Variants in JPH1 observed in about 807,000 individuals in gnomAD.
The protein encoded by JPH1 is junctophilin 1, also known as junctophilin-1.
In JPH1, 12 loss-of-function variants were observed where a neutral mutation model predicts 53.6. The ratio of observed to expected loss-of-function variants is 0.22; its 90% CI spans 0.14 to 0.36. The LOEUF (loss-of-function observed/expected upper bound fraction) is 0.36. JPH1 is among the 10% of genes least tolerant of loss of function. The probability of loss-of-function intolerance (pLI) is 1.00; values close to 1 mark genes in which losing one functional copy is unlikely to be tolerated. For synonymous variants in JPH1, 375 were observed against 363.8 expected, an observed-to-expected ratio of 1.03 and a Z score of -0.35; for missense variants, 808 against 905.5, an observed-to-expected ratio of 0.89 and a Z score of 1.38.
chr8:74,302,757 T>C (rs1807719412), intron 2 of JPH1, among the ~76,000 whole-genome samples: 5 of 152,168 alleles, frequency 3.3e-5, no homozygotes, highest in Admixed American at 2.6e-4. Context: ...TCATAGCACC[T>C]GCCAGTTGCA....
At chr8:74,260,488 T>C (rs144491888) in intron 2 of JPH1, among the ~76,000 whole-genome samples, 1 of 152,374 alleles carries the variant, frequency 6.6e-6, no homozygotes, top group East Asian at 1.9e-4. Flanking sequence ...CTATTTCTTA[T>C]GACTTTGTAA....
chr8:74,235,116 T>C lies in JPH1; in HGVS notation c.*1935A>G, dbSNP rs1182350518. 6.6e-6 allele frequency: 1 copy of C among 152,254 alleles called. No homozygotes were observed. Among genetic ancestry groups the C allele is most frequent in the Non-Finnish European group, 1.5e-5 (1 of 68,024 alleles). 9.4% of individuals were successfully genotyped at this position (152,254 alleles called of 1,614,324 possible). On this transcript the variant is annotated 3_prime_UTR_variant, in exon 6 of 6. Coordinates refer to ENST00000342232, the MANE Select transcript of JPH1 (RefSeq NM_020647.4). ...CATTTTAAATGAACACTTAATAAGA[T>C]TAAATATTTTATTATTATTTTTTTA... is the stretch of plus-strand genomic sequence containing the variant.
At chr8:74,306,626 C>T (rs1267579979) in intron 2 of JPH1, among the ~76,000 whole-genome samples, 1 of 149,318 alleles carries the variant, frequency 6.7e-6, no homozygotes, top group Non-Finnish European at 1.5e-5. Flanking sequence ...TTCTTGGAGA[C>T]CTCGCTCTGT....
chr8:74,244,676 A>G lies in JPH1; in HGVS notation c.1758T>C (p.Ala586=). ...SSSALVHKPS[A]NKWSPSKSVT... Reference sequence around the variant, plus strand: ...CAGATTTGGAGGGACTCCACTTGTTAGCGGATGGCTTGTGCACCAGTGCTG... The same window carrying G: ...CAGATTTGGAGGGACTCCACTTGTTGGCGGATGGCTTGTGCACCAGTGCTG... Residue 586 remains alanine (A), a synonymous_variant, in exon 4 of 6, where the codon GCT becomes GCC. Coordinates refer to ENST00000342232, the MANE Select transcript of JPH1 (RefSeq NM_020647.4). The G allele has an allele frequency of 1.2e-6, 2 of 1,614,160 alleles. No homozygotes were observed. The highest frequency in any genetic ancestry group is 1.1e-5 in the South Asian group (1 of 91,080).
chr8:74,312,233 A>G (rs1808017362), intron 2 of JPH1, among the ~76,000 whole-genome samples: 1 of 151,854 alleles, frequency 6.6e-6, no homozygotes, highest in African/African-American at 2.4e-5. Context: ...TTAACATGAG[A>G]CCTACCTTCT....
intron 2 of JPH1, among the ~76,000 whole-genome samples, chr8:74,284,899 AC>A (rs890442389): frequency 2.6e-4 from 39 of 149,842 alleles, no homozygotes; most frequent in African/African-American, 9.2e-4. Context: ...ATCTCGGCTC[AC>A]TGCAACCTCT....
chr8:74,321,331 G>C lies in JPH1; in HGVS notation c.-44C>G, dbSNP rs555262869. ...GCGCTCCCCGCAGGGGCACGGACGC[G>C]GGCAGTGCTGGGCACGGCAGGGTGT... On this transcript the variant is annotated 5_prime_UTR_variant, in exon 1 of 6. Transcript: ENST00000342232. This position sits in a 1 kb window ranked among gnomAD's most constrained non-coding sequence, Gnocchi z 4.3. 7.2e-5 allele frequency: 106 copies of C among 1,464,514 alleles called. 1 individual carries two copies. The highest frequency in any genetic ancestry group is 6.0e-5 in the Non-Finnish European group (67 of 1,108,812). The allele number at this position is 1,464,514 out of a possible 1,614,324, so 90.7% of individuals were successfully genotyped here.
intron 1 of JPH1, among the ~76,000 whole-genome samples, chr8:74,319,608 A>T (rs1388855382): frequency 6.6e-6 from 1 of 152,214 alleles, no homozygotes; most frequent in Non-Finnish European, 1.5e-5. Context: ...CCATTCTGCC[A>T]TTTTGCATTT....
At position 74,251,855 on chromosome 8, in the gene JPH1, CA is replaced by C. The variant is rs1806072833; in HGVS notation, c.1259-6681del. Among the ~76,000 whole-genome samples the C allele has an allele frequency of 2.6e-5, 4 of 152,130 alleles. No homozygotes were observed. In the South Asian group the frequency reaches 8.3e-4, roughly 32 times the overall value. The stretch of plus-strand genomic sequence containing the variant: ...TCATATGGAACCAAAAAAGAGCCTG[CA>C]TTGCCAAGTCAATCCTAAGCCAAAA... On this transcript the variant is annotated intron_variant, in intron 3 of 5. Coordinates refer to ENST00000342232, the MANE Select transcript of JPH1 (RefSeq NM_020647.4).
At chr8:74,239,177 A>T (rs1433421669) in intron 4 of JPH1, among the ~76,000 whole-genome samples, 1 of 152,116 alleles carries the variant, frequency 6.6e-6, no homozygotes, top group Admixed American at 6.6e-5. Flanking sequence ...TGGGTTAAAC[A>T]TCTCTGAGAT....
At chr8:74,251,729 T>C (rs1281778218) in intron 3 of JPH1, among the ~76,000 whole-genome samples, 3 of 152,170 alleles carry the variant, frequency 2.0e-5, no homozygotes, top group East Asian at 1.9e-4. Flanking sequence ...AGTTTCTAAC[T>C]GAATTGTAGA....
At position 74,320,979 on chromosome 8, in the gene JPH1, G is replaced by A. The variant is rs79761162; in HGVS notation, c.309C>T (p.Pro103=). 4.2e-3 allele frequency: 6,721 copies of A among 1,610,916 alleles called. 261 individuals are homozygous for A. The African/African-American group carries it at 0.08, about 19-fold the overall frequency. Residue 103 remains proline (P), a synonymous_variant, in exon 1 of 6, where the codon CCC becomes CCT. Coordinates refer to ENST00000342232, the MANE Select transcript of JPH1 (RefSeq NM_020647.4). The surrounding 1 kb of genome is among the most constrained non-coding windows in gnomAD (Gnocchi z 4.4). The part of the protein sequence containing the change: ...RYGVRQSLCT[P]ARYEGTWSNG... Reference sequence around the variant, plus strand: ...TACTCCAGGTACCCTCGTAGCGAGCGGGGGTGCACAGGCTCTGCCGGACCC... The same window carrying A: ...TACTCCAGGTACCCTCGTAGCGAGCAGGGGTGCACAGGCTCTGCCGGACCC...
At position 74,270,640 on chromosome 8, in the gene JPH1, T is replaced by C. The variant is rs1435391574; in HGVS notation, c.1140-11137A>G. On this transcript the variant is annotated intron_variant, in intron 2 of 5. Transcript: ENST00000342232. ...GATAAAAATATTTAATTTTCCTTCA[T>C]TAAAAATGGTGGTAGAAAAGCAAGT... Among the ~76,000 whole-genome samples the C allele has an allele frequency of 3.9e-5, 6 of 152,174 alleles. No homozygotes were observed. In the East Asian group the frequency reaches 1.2e-3, roughly 29 times the overall value.
intron 2 of JPH1, among the ~76,000 whole-genome samples, chr8:74,302,468 G>A (rs1807711093): frequency 6.6e-6 from 1 of 152,082 alleles, no homozygotes; most frequent in Non-Finnish European, 1.5e-5. Context: ...TATAAAATTT[G>A]TACATATATT....
chr8:74,273,266 G>A (rs1407135072), intron 2 of JPH1, among the ~76,000 whole-genome samples: 1 of 152,122 alleles, frequency 6.6e-6, no homozygotes, highest in Non-Finnish European at 1.5e-5. Context: ...ATATAAATAT[G>A]TACACACATT....
At chr8:74,265,194 C>A (rs1806496952) in intron 2 of JPH1, among the ~76,000 whole-genome samples, 1 of 152,114 alleles carries the variant, frequency 6.6e-6, no homozygotes, top group Admixed American at 6.5e-5. Flanking sequence ...TGAACTCTAG[C>A]CCCCTGCAGT....
intron 2 of JPH1, among the ~76,000 whole-genome samples, chr8:74,285,442 T>C (rs556667033): frequency 2.6e-4 from 39 of 152,136 alleles, no homozygotes; most frequent in African/African-American, 9.4e-4. Flanking sequence ...CAATATATAG[T>C]ATATTATTAA....
At chr8:74,267,824 A>G (rs1182342005) in intron 2 of JPH1, among the ~76,000 whole-genome samples, 1 of 152,246 alleles carries the variant, frequency 6.6e-6, no homozygotes, top group Non-Finnish European at 1.5e-5. Flanking sequence ...TGCCCACAGA[A>G]CAGGAGAAAA....
intron 2 of JPH1, among the ~76,000 whole-genome samples, chr8:74,285,942 A>G (rs1807152225): frequency 6.6e-6 from 1 of 152,194 alleles, no homozygotes. Context: ...GAGATTTATC[A>G]CTCAGTCTAT....
Sources: allele counts gnomAD v4.1 joint callset (sites outside exome capture counted in the v4.1 genomes callset), GRCh38; gene constraint gnomAD v4.1.1; non-coding constraint Gnocchi (gnomAD v3.1); transcripts MANE v1.5; gene names NCBI Gene and HGNC (gene_info 2026-07-23, HGNC 2026-07-21).